The following DCDC1 variants were observed in gnomAD, a reference collection of about 807,000 sequenced individuals.
DCDC1 encodes the protein doublecortin domain containing 1, also known as doublecortin domain-containing protein 1.
DCDC1 carries 200 observed loss-of-function variants against 178.3 expected under a neutral mutation model. The observed-to-expected ratio is 1.12, with a 90% CI of 1.00 to 1.26. The LOEUF (loss-of-function observed/expected upper bound fraction) is 1.26. DCDC1 is among the 50% of genes most tolerant of loss of function. The pLI, the probability that DCDC1 is intolerant of heterozygous loss-of-function variation, is 0.00. For missense variants in DCDC1, 1,983 were observed against 1,749.2 expected (o/e 1.13, Z -2.38); for synonymous variants, 690 against 604.8 (o/e 1.14, Z -2.07).
intron 8 of DCDC1, among the ~76,000 whole-genome samples, chr11:31,254,652 G>C (rs918156039): frequency 2.6e-5 from 4 of 152,096 alleles, no homozygotes; most frequent in African/African-American, 9.7e-5. Flanking sequence ...AAGTTAACAG[G>C]GTGGTTCTGC....
intron 21 of DCDC1, chr11:30,944,270 T>A (rs1229134335): frequency 2.2e-6 from 1 of 455,448 alleles, no homozygotes; most frequent in East Asian, 6.9e-5. Flanking sequence ...TCATAGCTTA[T>A]ACTTCTTAAT....
intron 34 of DCDC1, among the ~76,000 whole-genome samples, chr11:30,896,695 C>G (rs372420332): frequency 6.6e-6 from 1 of 152,234 alleles, no homozygotes; most frequent in Non-Finnish European, 1.5e-5. Flanking sequence ...GTTTTATAAC[C>G]CCAAGTGGGT....
chr11:31,315,202 C>T, intron 3 of DCDC1, among the ~76,000 whole-genome samples: 1 of 151,362 alleles, frequency 6.6e-6, no homozygotes, highest in Non-Finnish European at 1.5e-5. Context: ...TTCTTGGTCT[C>T]ACATTCAACA....
intron 9 of DCDC1, among the ~76,000 whole-genome samples, chr11:31,213,501 C>CA (rs1177095947): frequency 6.6e-6 from 1 of 151,950 alleles, no homozygotes; most frequent in African/African-American, 2.4e-5. Flanking sequence ...ATGGGCGAAT[C>CA]ACAAGGTCAG....
chr11:30,886,256 T>C (rs1487307016), intron 36 of DCDC1, among the ~76,000 whole-genome samples: 1 of 152,162 alleles, frequency 6.6e-6, no homozygotes, highest in Non-Finnish European at 1.5e-5. Context: ...ACATGCTGTT[T>C]CCTAAATAGA....
At chr11:31,010,912 C>A (rs2135115539) in intron 20 of DCDC1, among the ~76,000 whole-genome samples, 1 of 151,956 alleles carries the variant, frequency 6.6e-6, no homozygotes, top group South Asian at 2.1e-4. Context: ...ATCATGAATA[C>A]CGTATAGATA....
intron 8 of DCDC1, among the ~76,000 whole-genome samples, chr11:31,247,920 T>C (rs1943692343): frequency 6.6e-6 from 1 of 152,054 alleles, no homozygotes; most frequent in Admixed American, 6.6e-5. Flanking sequence ...TAATGTAAAA[T>C]AATTGGTTTG....
In DCDC1 at chr11:31,137,112, T is replaced by A. The variant is rs1488354239; in HGVS notation, c.1314+580A>T. The stretch of plus-strand genomic sequence containing the variant: ...TTATAACTTCCAGTTTCAAATTGCA[T>A]GTAACAATTTACTAATTTAGAAAAC... On this transcript the variant is annotated intron_variant, in intron 10 of 38. Transcript: ENST00000684477. Among the ~76,000 whole-genome samples the A allele has an allele frequency of 4.6e-5, 7 of 152,164 alleles. No individual in the cohort carries two copies. The East Asian group carries it at 1.2e-3, about 25-fold the overall frequency.
At position 31,115,986 on chromosome 11, in the gene DCDC1, G is replaced by C. The variant is rs1027524755; in HGVS notation, c.1486-5625C>G. ...GAAGGATATAGCTGTGGCAGTGGGG[G>C]GGGGGGGGATGGGTATCTCAGTCCT... On this transcript the variant is annotated intron_variant, in intron 11 of 38. Transcript: ENST00000684477. Among the ~76,000 whole-genome samples, 6 of 136,220 alleles carry C rather than the reference G, an allele frequency of 4.4e-5. 1 individual carries two copies. The South Asian group carries it at 7.8e-4, about 18-fold the overall frequency. The allele number at this position is 136,220 out of a possible 152,430, so 89.4% of individuals were successfully genotyped here. A position where few individuals can be genotyped will look rare whatever the true frequency, so the allele number is the denominator to read the frequency against.
chr11:31,290,481 T>A (rs185647365), intron 7 of DCDC1, among the ~76,000 whole-genome samples, 166 bp downstream of exon 7: 1 of 152,150 alleles, frequency 6.6e-6, no homozygotes, highest in Non-Finnish European at 1.5e-5. Context: ...ATTAGTGCAA[T>A]AAGCAGACTT....
rs138206057 is a variant in DCDC1, at chr11:31,030,064, T to TA, written c.2591+34404dup. On this transcript the variant is annotated intron_variant, in intron 20 of 38. Coordinates refer to ENST00000684477, the MANE Select transcript of DCDC1 (RefSeq NM_001387274.1). ...CAATTTGAAATAAAATGATGTGAAA[T>TA]ATAGTTATTGTGGGTATCGACTTGA... is the stretch of plus-strand genomic sequence containing the variant. 6.7e-3 allele frequency among the ~76,000 whole-genome samples: 1,024 copies of TA among 152,070 alleles called. 16 individuals are homozygous for TA. Among genetic ancestry groups the TA allele is most frequent in the South Asian group, 0.043 (207 of 4,800 alleles).
At chr11:30,877,940 AT>A (rs1174199372) in intron 38 of DCDC1, among the ~76,000 whole-genome samples, 1 of 152,126 alleles carries the variant, frequency 6.6e-6, no homozygotes, top group Non-Finnish European at 1.5e-5. Flanking sequence ...GGAATGTTTG[AT>A]GGAATGTTCG....
At chr11:31,328,088 A>G (rs751935411) in intron 3 of DCDC1, 29 bp downstream of exon 3, 2 of 1,572,102 alleles carry the variant, frequency 1.3e-6, no homozygotes, top group Non-Finnish European at 1.7e-6. Context: ...TTCAGTATTT[A>G]GTTTAAGCTG....
intron 20 of DCDC1, among the ~76,000 whole-genome samples, chr11:31,060,669 G>A (rs554227192): frequency 5.9e-5 from 9 of 152,054 alleles, no homozygotes; most frequent in African/African-American, 2.2e-4. Flanking sequence ...TTCATAACTT[G>A]TATTGATTTT....
At chr11:31,102,421 G>A in intron 14 of DCDC1, 139 bp from the exon 15 acceptor site, 1 of 450,958 alleles carries the variant, frequency 2.2e-6, no homozygotes, top group East Asian at 3.1e-5. Flanking sequence ...AATCTTGCCT[G>A]GAAAGTACCA....
chr11:30,888,174 AAGAG>A (rs1339308892), intron 36 of DCDC1, among the ~76,000 whole-genome samples: 21 of 149,782 alleles, frequency 1.4e-4, no homozygotes, highest in Non-Finnish European at 2.8e-4. Context: ...GAAAGAAAGA[AAGAG>A]AAAGGAAGGA....
intron 17 of DCDC1, among the ~76,000 whole-genome samples, chr11:31,083,057 T>C (rs554961334): frequency 2.0e-5 from 3 of 152,226 alleles, no homozygotes; most frequent in South Asian, 2.1e-4. Context: ...CTTAACATTA[T>C]ACAGCTACAC....
At chr11:31,137,540 G>C (rs1369255338) in intron 10 of DCDC1, among the ~76,000 whole-genome samples, 152 bp downstream of exon 10, 1 of 151,946 alleles carries the variant, frequency 6.6e-6, no homozygotes, top group Non-Finnish European at 1.5e-5. Context: ...AGTAGAGATG[G>C]GGTTTCACCA....
intron 9 of DCDC1, among the ~76,000 whole-genome samples, chr11:31,155,453 AC>A (rs1272625240): frequency 6.6e-6 from 1 of 152,174 alleles, no homozygotes; most frequent in Non-Finnish European, 1.5e-5. Flanking sequence ...CAAGACACAA[AC>A]TTTGAAATCT....
Sources: gnomAD v4.1 joint callset for allele counts (sites outside exome capture counted in the v4.1 genomes callset) on GRCh38, gnomAD v4.1.1 for gene constraint, MANE v1.5 for transcripts, NCBI Gene and HGNC (gene_info 2026-07-23, HGNC 2026-07-21) for gene names.